FAM135A: variants seen among roughly 807,000 people sequenced by gnomAD.
FAM135A encodes family with sequence similarity 135 member A.
In FAM135A, 79 loss-of-function variants were observed where a neutral mutation model predicts 146.8. That is an observed-to-expected ratio of 0.54 (90% CI 0.45 to 0.65). The LOEUF is 0.65. Ranked by LOEUF, FAM135A falls within the 30% of genes least tolerant of loss-of-function variation. The pLI is 0.00. For missense variants in FAM135A, 1,623 were observed against 1,758.2 expected, an observed-to-expected ratio of 0.92 and a Z score of 1.38; for synonymous variants, 562 against 603.6, an observed-to-expected ratio of 0.93 and a Z score of 1.01.
intron 8 of FAM135A, among the ~76,000 whole-genome samples, chr6:70,480,041 T>C (rs1384978423): frequency 6.6e-6 from 1 of 152,204 alleles, no homozygotes; most frequent in African/African-American, 2.4e-5. Flanking sequence ...TATGGCAACA[T>C]TATTTTTCTT....
chr6:70,502,219 TC>T (rs759951336), intron 11 of FAM135A, among the ~76,000 whole-genome samples: 7 of 152,348 alleles, frequency 4.6e-5, no homozygotes, highest in African/African-American at 7.2e-5. Context: ...AAGTATTTTT[TC>T]TTAGCTAATT....
chr6:70,508,286 C>T (rs1306909893), intron 12 of FAM135A, among the ~76,000 whole-genome samples: 1 of 152,134 alleles, frequency 6.6e-6, no homozygotes, highest in East Asian at 1.9e-4. Flanking sequence ...CAAAGACAGT[C>T]AGGATTTCTG....
At chr6:70,423,620 A>G (rs1480657365) in intron 2 of FAM135A, among the ~76,000 whole-genome samples, 1 of 152,252 alleles carries the variant, frequency 6.6e-6, no homozygotes, top group Non-Finnish European at 1.5e-5. Context: ...CAGATATTAC[A>G]TGTTTCACTT....
At chr6:70,413,754 C>G in intron 1 of FAM135A, 52 bp downstream of exon 1, 1 of 964,822 alleles carries the variant, frequency 1.0e-6, no homozygotes, top group Non-Finnish European at 1.2e-6. Flanking sequence ...CACCCACGAC[C>G]CCTCCCTCCG....
At chr6:70,436,881 A>G (rs1196103401) in intron 4 of FAM135A, among the ~76,000 whole-genome samples, 2 of 149,882 alleles carry the variant, frequency 1.3e-5, no homozygotes, top group African/African-American at 2.5e-5. Flanking sequence ...TAACTGTGGG[A>G]AAAAAAAACT....
chr6:70,480,771 G>T, intron 8 of FAM135A, 130 bp from the exon 9 acceptor site: 4 of 662,114 alleles, frequency 6.0e-6, no homozygotes, highest in Non-Finnish European at 9.0e-6. Context: ...ATTACTTTAG[G>T]AGTACTTTTG....
intron 5 of FAM135A, among the ~76,000 whole-genome samples, chr6:70,472,791 G>C (rs550616691): frequency 2.0e-5 from 3 of 152,168 alleles, no homozygotes; most frequent in East Asian, 3.9e-4. Context: ...AGTTTGCATG[G>C]GTTTACAATT....
rs201194449 is a variant in FAM135A at position 70,452,508 on chromosome 6, G to T, written c.94G>T (p.Ala32Ser). 1.3e-6 allele frequency: 2 copies of T among 1,596,284 alleles called. No homozygotes were observed. Among genetic ancestry groups the T allele is most frequent in the South Asian group, 2.3e-5 (2 of 86,410 alleles). The change falls in exon 5 of 22, where the codon GCT (alanine) becomes TCT (serine). Residue 32 changes from alanine (A) to serine (S), a missense_variant. Coordinates refer to ENST00000418814, the MANE Select transcript of FAM135A (RefSeq NM_001162529.3). ...TTGCTTTAGTTTTTACCAGATTCGT[G>T]CTTCTATGAAAATTCCATCAAGAAT... ...LFQRGFYQIR[A>S]SMKIPSRIPH...
At chr6:70,465,452 C>T (rs1368293784) in intron 5 of FAM135A, among the ~76,000 whole-genome samples, 2 of 152,018 alleles carry the variant, frequency 1.3e-5, no homozygotes, top group South Asian at 2.1e-4. Flanking sequence ...GACAGGGTCT[C>T]GTTCTGTCAT....
chr6:70,495,815 G>C (rs557202573), intron 11 of FAM135A, among the ~76,000 whole-genome samples: 1 of 152,052 alleles, frequency 6.6e-6, no homozygotes, highest in Non-Finnish European at 1.5e-5. Flanking sequence ...AGGCCCTGGT[G>C]TGTGATGTTC....
At position 70,452,566 on chromosome 6, in the gene FAM135A, CA is replaced by C; in HGVS notation, c.154del (p.Thr52GlnfsTer3). 6.3e-7 allele frequency: 1 copy of C among 1,575,756 alleles called. No homozygotes were observed. ...AGAGTAGAAGCTAGTTTGTTGCATG[CA>C]ACAGGTAAGCCAAAGAATACATTCA... is the stretch of plus-strand genomic sequence containing the variant. ...PHRVEASLLHATGMTLAFPAS... is the reference protein window; with the variant it reads ...PHRVEASLLHXTGMTLAFPAS... On this transcript the variant is annotated frameshift_variant, in exon 5 of 22. Coordinates refer to ENST00000418814, the MANE Select transcript of FAM135A (RefSeq NM_001162529.3). LOFTEE classifies it high-confidence loss of function.
chr6:70,467,955 C>T (rs1326294990), intron 5 of FAM135A, among the ~76,000 whole-genome samples: 1 of 152,046 alleles, frequency 6.6e-6, no homozygotes, highest in Non-Finnish European at 1.5e-5. Flanking sequence ...ATTTGATAGG[C>T]CTCAGTTGTC....
chr6:70,459,865 G>A (rs1582273082), intron 5 of FAM135A, among the ~76,000 whole-genome samples: 1 of 151,950 alleles, frequency 6.6e-6, no homozygotes, highest in Non-Finnish European at 1.5e-5. Context: ...CCGTCTCTAC[G>A]ACAAATGCAA....
chr6:70,493,888 A>G (rs763256294), intron 11 of FAM135A, among the ~76,000 whole-genome samples: 1 of 152,042 alleles, frequency 6.6e-6, no homozygotes, highest in Non-Finnish European at 1.5e-5. Flanking sequence ...CCACATCTCT[A>G]CTAAAAATAC....
chr6:70,489,233 A>C (rs1582493749), intron 10 of FAM135A, among the ~76,000 whole-genome samples: 1 of 152,214 alleles, frequency 6.6e-6, no homozygotes, highest in African/African-American at 2.4e-5. Flanking sequence ...GTTTTAATGC[A>C]GAGTCTGTTG....
At chr6:70,529,512 CAATA>C (rs1160691175) in intron 16 of FAM135A, among the ~76,000 whole-genome samples, 1 of 150,160 alleles carries the variant, frequency 6.7e-6, no homozygotes, top group Non-Finnish European at 1.5e-5. Context: ...TCCCTCCAAA[CAATA>C]AAGTCTTCAA....
At chr6:70,450,907 A>AATTTTTTG (rs1776943722) in intron 4 of FAM135A, among the ~76,000 whole-genome samples, 1 of 150,916 alleles carries the variant, frequency 6.6e-6, no homozygotes, top group African/African-American at 2.4e-5. Flanking sequence ...ACGCCTGGCT[A>AATTTTTTG]ATTTTTTGTC....
At chr6:70,506,381 C>A (rs1789768350) in intron 12 of FAM135A, among the ~76,000 whole-genome samples, 1 of 152,064 alleles carries the variant, frequency 6.6e-6, no homozygotes, top group African/African-American at 2.4e-5. Flanking sequence ...TGTTAAGGAC[C>A]AAATGGTAAA....
intron 12 of FAM135A, among the ~76,000 whole-genome samples, chr6:70,520,880 G>C (rs1184918698): frequency 6.6e-6 from 1 of 152,152 alleles, no homozygotes; most frequent in Non-Finnish European, 1.5e-5. Flanking sequence ...AACTTCATTT[G>C]GGTGCATACA....
Sources: allele counts gnomAD v4.1 joint callset (sites outside exome capture counted in the v4.1 genomes callset), GRCh38; gene constraint gnomAD v4.1.1; transcripts MANE v1.5; gene names NCBI Gene and HGNC (gene_info 2026-07-23, HGNC 2026-07-21).